The following C4orf50 variants were observed in gnomAD, a reference collection of about 807,000 sequenced individuals.
C4orf50 encodes the protein chromosome 4 open reading frame 50, also known as uncharacterized protein C4orf50.
C4orf50 carries 80 observed loss-of-function variants against 77.2 expected under a neutral mutation model. The ratio of observed to expected loss-of-function variants is 1.04; its 90% CI spans 0.87 to 1.25. The LOEUF is 1.25. Ranked by LOEUF, C4orf50 falls within the 50% of genes most tolerant of loss-of-function variation. The pLI is 0.00. For missense variants in C4orf50, 1,257 were observed against 1,152.9 expected (o/e 1.09, Z -1.31); for synonymous variants, 532 against 465.3 (o/e 1.14, Z -1.84).
In C4orf50 at chr4:5,965,146, C is replaced by T. The variant is rs201454202; in HGVS notation, c.4154-1G>A. On this transcript the variant is annotated splice_acceptor_variant, in intron 32 of 33. Transcript: ENST00000531445. LOFTEE classifies it high-confidence loss of function. Reference sequence around the variant, plus strand: ...TCAGGATTCAAGAGGTATGTCTGAGCTGGAAGGGAAAATTCTCAGTCAAGC... The same window carrying T: ...TCAGGATTCAAGAGGTATGTCTGAGTTGGAAGGGAAAATTCTCAGTCAAGC... 3 of 1,611,148 alleles carry T rather than the reference C, an allele frequency of 1.9e-6. No homozygotes were observed. Among genetic ancestry groups the T allele is most frequent in the Non-Finnish European group, 2.5e-6 (3 of 1,178,756 alleles).
intron 7 of C4orf50, among the ~76,000 whole-genome samples, chr4:5,946,022 C>A (rs1718466319): frequency 6.6e-6 from 1 of 152,202 alleles, no homozygotes; most frequent in Non-Finnish European, 1.5e-5. Flanking sequence ...ACTCTCCACC[C>A]CATCAGGAGT....
chr4:5,901,368 T>C lies in C4orf50; in HGVS notation c.*2475-3180A>G, dbSNP rs1716334879. On this transcript the variant is annotated intron_variant, in intron 7 of 7. Coordinates refer to the C4orf50 transcript ENST00000324058. The surrounding 1 kb of genome is among the most constrained non-coding windows in gnomAD (Gnocchi z 4.4). ...AGTAGGTGCCGAGGTGTGTATCTTATTATCTCCATTTGCCCAGCAAGTAAA... is the reference window on the plus strand; with the variant it reads ...AGTAGGTGCCGAGGTGTGTATCTTACTATCTCCATTTGCCCAGCAAGTAAA... The C allele has an allele frequency of 6.6e-6, 1 of 152,214 alleles. No individual in the cohort carries two copies. The highest frequency in any genetic ancestry group is 2.1e-4 in the South Asian group (1 of 4,828). The allele number at this position is 152,214 out of a possible 1,614,324, so 9.4% of individuals were successfully genotyped here.
chr4:5,927,678 C>T (rs1209022744), intron 7 of C4orf50, among the ~76,000 whole-genome samples: 4 of 152,012 alleles, frequency 2.6e-5, no homozygotes, highest in African/African-American at 7.3e-5. Context: ...GTTAGATGTG[C>T]CTTCTTCCCC....
intron 7 of C4orf50, among the ~76,000 whole-genome samples, chr4:5,918,290 G>T (rs972461845): frequency 6.6e-6 from 1 of 152,234 alleles, no homozygotes; most frequent in Non-Finnish European, 1.5e-5. Flanking sequence ...CCATTTCACA[G>T]ATGGGGAAGT....
chr4:5,973,967 G>A (rs1038872773), intron 30 of C4orf50, 126 bp from the exon 9 acceptor site: 24 of 758,400 alleles, frequency 3.2e-5, no homozygotes, highest in African/African-American at 8.8e-5. Context: ...TCAGCTCAGC[G>A]GAGCAGCCTC....
At chr4:5,911,847 A>G (rs1269304044) in intron 7 of C4orf50, among the ~76,000 whole-genome samples, 1 of 152,184 alleles carries the variant, frequency 6.6e-6, no homozygotes, top group Non-Finnish European at 1.5e-5. Context: ...AGAGATCGAG[A>G]CCATCCTGGC....
At chr4:5,980,026 C>A in intron 29 of C4orf50, 148 bp downstream of exon 7, 310 of 403,646 alleles carry the variant, frequency 7.7e-4, no homozygotes, top group East Asian at 4.0e-3. Flanking sequence ...TTTTTTTTTT[C>A]CTGGTACTGC....
intron 33 of C4orf50, among the ~76,000 whole-genome samples, chr4:5,960,429 G>A (rs926663163): frequency 5.3e-5 from 8 of 152,210 alleles, no homozygotes; most frequent in Non-Finnish European, 1.2e-4. Context: ...GCAGAATGGA[G>A]CCGACTTCTC....
chr4:5,988,761 C>T (rs1013105218), exon 28 of C4orf50: 2 of 1,536,096 alleles, frequency 1.3e-6, no homozygotes, highest in Admixed American at 2.0e-5. Context: ...GGACATGGAC[C>T]CTGCGTAGAA....
chr4:5,913,638 G>T (rs553165157), intron 7 of C4orf50, among the ~76,000 whole-genome samples: 1 of 152,178 alleles, frequency 6.6e-6, no homozygotes, highest in South Asian at 2.1e-4. Context: ...ATTCGTTCAG[G>T]AGTCAGGGTC....
chr4:5,966,508 A>AT (rs200523142), intron 32 of C4orf50, among the ~76,000 whole-genome samples: 7 of 151,268 alleles, frequency 4.6e-5, no homozygotes, highest in African/African-American at 1.2e-4. Flanking sequence ...AAATAGCAGA[A>AT]TTAAAAAAAA....
rs1005219396 is a variant in C4orf50 at position 5,908,040 on chromosome 4, C to A, written c.*2475-9852G>T. ...AAAAAGAGCTGACCATTCACTGATT[C>A]ATTCATTCATTCATTCATTCATTTG... On this transcript the variant is annotated intron_variant, in intron 7 of 7. Transcript: ENST00000324058. This position sits in a 1 kb window ranked among gnomAD's most constrained non-coding sequence, Gnocchi z 5.6. Among the ~76,000 whole-genome samples the A allele has an allele frequency of 5.3e-5, 8 of 150,822 alleles. No homozygotes were observed. The highest frequency in any genetic ancestry group is 1.7e-4 in the African/African-American group (7 of 40,856).
At chr4:5,938,150 T>C (rs914035019) in intron 7 of C4orf50, among the ~76,000 whole-genome samples, 2 of 152,156 alleles carry the variant, frequency 1.3e-5, no homozygotes, top group Admixed American at 1.3e-4. Context: ...ACATGGAACA[T>C]TGCCAAATGC....
intron 7 of C4orf50, among the ~76,000 whole-genome samples, chr4:5,913,878 G>C (rs926583984): frequency 6.6e-6 from 1 of 152,142 alleles, no homozygotes; most frequent in Non-Finnish European, 1.5e-5. Context: ...TATTCCCTTG[G>C]AGACAATAAT....
chr4:5,991,504 A>C (rs1721295291), intron 27 of C4orf50, among the ~76,000 whole-genome samples: 1 of 152,136 alleles, frequency 6.6e-6, no homozygotes, highest in Non-Finnish European at 1.5e-5. Context: ...TTTTTAATGT[A>C]TTTTTATCTT....
chr4:5,944,484 C>T (rs1414424355), intron 7 of C4orf50, among the ~76,000 whole-genome samples: 2 of 152,128 alleles, frequency 1.3e-5, no homozygotes, highest in East Asian at 1.9e-4. Context: ...AAGGAGTGAG[C>T]GAGGGGGCAG....
At chr4:5,924,867 AG>A (rs1717443131) in intron 7 of C4orf50, among the ~76,000 whole-genome samples, 1 of 152,202 alleles carries the variant, frequency 6.6e-6, no homozygotes, top group African/African-American at 2.4e-5. Flanking sequence ...AGCAGGTCAG[AG>A]GGTCCGGAGC....
At position 5,944,628 on chromosome 4, in the gene C4orf50, C is replaced by A. The variant is rs145361274; in HGVS notation, c.*2474+12273G>T. On this transcript the variant is annotated intron_variant, in intron 7 of 7. Coordinates refer to the C4orf50 transcript ENST00000324058. The stretch of plus-strand genomic sequence containing the variant: ...AGTGGAGGAAGCAGCACCCCCCACG[C>A]CTGGCCTGTGCTGGGATGGAGGATA... Among the ~76,000 whole-genome samples, 160 of 152,274 alleles carry A rather than the reference C, an allele frequency of 1.1e-3. 2 individuals carry two copies. The highest frequency in any genetic ancestry group is 2.1e-3 in the Non-Finnish European group (141 of 68,014).
At chr4:5,988,348 A>G (rs566235115) in exon 28 of C4orf50, 3 of 1,613,700 alleles carry the variant, frequency 1.9e-6, no homozygotes, top group South Asian at 2.2e-5. Flanking sequence ...CCAACCTACC[A>G]TGGGGCCATT....
Sources: gnomAD v4.1 joint callset for allele counts (sites outside exome capture counted in the v4.1 genomes callset) on GRCh38, gnomAD v4.1.1 for gene constraint, Gnocchi (gnomAD v3.1) non-coding constraint, MANE v1.5 for transcripts, NCBI Gene and HGNC (gene_info 2026-07-23, HGNC 2026-07-21) for gene names.